NSD2: variants seen among roughly 807,000 people sequenced by gnomAD.
NSD2 encodes the protein nuclear receptor binding SET domain protein 2, also known as histone-lysine N-methyltransferase NSD2.
Under a neutral mutation model 139.0 loss-of-function variants are expected in NSD2, and 12 were observed. The observed-to-expected ratio is 0.09, with a 90% CI of 0.06 to 0.14. The LOEUF is 0.14. Ranked by LOEUF, NSD2 falls within the 10% of genes least tolerant of loss-of-function variation. NSD2 has a pLI of 1.00. For synonymous variants in NSD2, 669 were observed against 648.7 expected (o/e 1.03, Z -0.48); for missense variants, 1,155 against 1,745.0 (o/e 0.66, Z 6.02).
intron 6 of NSD2, among the ~76,000 whole-genome samples, chr4:1,934,910 A>ATATATATATATAT (rs59927644): frequency 2.3e-4 from 24 of 106,328 alleles, no homozygotes; most frequent in South Asian, 2.0e-3. Context: ...TATATATATA[A>ATATATATATATAT]AAAACAGATA....
chr4:1,924,759 A>C (rs961772453), intron 5 of NSD2, among the ~76,000 whole-genome samples: 3 of 151,602 alleles, frequency 2.0e-5, no homozygotes, highest in Middle Eastern at 3.2e-3. Flanking sequence ...AAAAAAAAAA[A>C]CAAAACAAAA....
intron 1 of NSD2, among the ~76,000 whole-genome samples, chr4:1,878,134 C>A (rs1198950339): frequency 1.3e-5 from 2 of 149,662 alleles, no homozygotes; most frequent in Non-Finnish European, 3.0e-5. Context: ...AATCTAGGCT[C>A]ACCACAACCT....
At chr4:1,915,111 C>CTTTTTTTTTTTTTTTTTTTTTTTTT (rs781255847) in intron 3 of NSD2, among the ~76,000 whole-genome samples, 2 of 115,562 alleles carry the variant, frequency 1.7e-5, no homozygotes, top group Non-Finnish European at 1.8e-5. Flanking sequence ...CTTTTTTTCT[C>CTTTTTTTTTTTTTTTTTTTTTTTTT]TTTTTTTTTT....
chr4:1,898,273 G>GA lies in NSD2; in HGVS notation c.-29-2352dup, dbSNP rs202230841. Among the ~76,000 whole-genome samples the GA allele has an allele frequency of 4.7e-3, 722 of 152,268 alleles. 4 individuals carry two copies. The highest frequency in any genetic ancestry group is 0.016 in the African/African-American group (676 of 41,554). The stretch of plus-strand genomic sequence containing the variant: ...GGCTAATTTTTGTATTTTTTGTTGA[G>GA]ATGGGCTCTCACTGTCTTGCCCAAG... On this transcript the variant is annotated intron_variant, in intron 1 of 21. Coordinates refer to ENST00000508803, the MANE Select transcript of NSD2 (RefSeq NM_001042424.3).
At chr4:1,922,255 A>G (rs1720245793) in intron 5 of NSD2, among the ~76,000 whole-genome samples, 2 of 152,240 alleles carry the variant, frequency 1.3e-5, no homozygotes, top group African/African-American at 2.4e-5. Flanking sequence ...TAGAATTAAT[A>G]GAGTTCACCA....
intron 9 of NSD2, chr4:1,945,961 C>T: frequency 9.5e-7 from 1 of 1,051,922 alleles, no homozygotes; most frequent in Non-Finnish European, 1.1e-6. Context: ...TTCAAAGCTT[C>T]CTCTGGCCAG....
At chr4:1,947,026 G>A in intron 9 of NSD2, 1 of 1,064,028 alleles carries the variant, frequency 9.4e-7, no homozygotes, top group Non-Finnish European at 1.1e-6. Context: ...GTAGGGGTGG[G>A]GGTCCTGGTC....
At position 1,916,878 on chromosome 4, in the gene NSD2, A is replaced by G. The variant is rs761159354; in HGVS notation, c.768A>G (p.Lys256=). 1.9e-6 allele frequency: 3 copies of G among 1,596,250 alleles called. No individual in the cohort carries two copies. In the Admixed American group the frequency reaches 5.4e-5, roughly 29 times the overall value. Residue 256 remains lysine, a synonymous_variant, in exon 4 of 22, where the codon AAA becomes AAG. Transcript: ENST00000508803. The stretch of plus-strand genomic sequence containing the variant: ...TTTTATTTTAAAAACTAGGTCAGAA[A>G]AAGAGTGCACGCCAGTATCACGTAC... The part of the protein sequence containing the change: ...LHSYTKLKGQ[K]KSARQYHVQF...
chr4:1,949,833 A>T (rs1285992252), intron 9 of NSD2, among the ~76,000 whole-genome samples: 1 of 151,886 alleles, frequency 6.6e-6, no homozygotes, highest in Admixed American at 6.6e-5. Flanking sequence ...GTTAGTTTTT[A>T]ATTTGTTTTT....
chr4:1,944,629 G>A lies in NSD2; in HGVS notation c.1881+4851G>A, dbSNP rs1045110421. 7.5e-6 allele frequency: 8 copies of A among 1,062,626 alleles called. No individual in the cohort carries two copies. In the South Asian group the frequency reaches 2.3e-4, roughly 30 times the overall value. The allele number at this position is 1,062,626 out of a possible 1,614,324, so 65.8% of individuals were successfully genotyped here. On this transcript the variant is annotated intron_variant, in intron 9 of 21. Coordinates refer to ENST00000508803, the MANE Select transcript of NSD2 (RefSeq NM_001042424.3). The stretch of plus-strand genomic sequence containing the variant: ...CTTAGATTGTAGCTGTTCTAAAAAC[G>A]TAAGTACTCCATTGTAATAGGGTGG...
chr4:1,964,879 G>T (rs749660877), intron 18 of NSD2, among the ~76,000 whole-genome samples: 2 of 151,986 alleles, frequency 1.3e-5, no homozygotes, highest in Non-Finnish European at 2.9e-5. Flanking sequence ...AAAAGATCTG[G>T]AAAGACCTTA....
chr4:1,963,929 T>A (rs1299873282), intron 18 of NSD2, among the ~76,000 whole-genome samples: 3 of 152,148 alleles, frequency 2.0e-5, no homozygotes, highest in African/African-American at 7.2e-5. Context: ...GCCCAGGAGT[T>A]TAAGACTGCT....
chr4:1,968,376 C>G (rs1232004882), intron 18 of NSD2, among the ~76,000 whole-genome samples: 3 of 152,206 alleles, frequency 2.0e-5, no homozygotes, highest in Admixed American at 6.5e-5. Flanking sequence ...CTAATGGTCA[C>G]AGGGAGCACC....
chr4:1,943,477 G>A, intron 9 of NSD2: 1 of 1,045,878 alleles, frequency 9.6e-7, no homozygotes, highest in East Asian at 5.6e-5. Flanking sequence ...ATTTTGCTTT[G>A]GCATGAAAAG....
intron 7 of NSD2, 63 bp from the exon 8 acceptor site, chr4:1,938,388 C>CTTTTTTTTTTTTTTTTT (rs1186431532): frequency 8.0e-6 from 9 of 1,130,126 alleles, no homozygotes; most frequent in South Asian, 5.3e-5. Context: ...TTTTTTTTTC[C>CTTTTTTTTTTTTTTTTT]TTTTTTTCTT....
chr4:1,939,201 T>TAA (rs539648507), intron 8 of NSD2: 6 of 149,174 alleles, frequency 4.0e-5, no homozygotes, highest in East Asian at 1.9e-4. Context: ...AAACAGACTT[T>TAA]AAAAAAAAAA....
chr4:1,975,550 A>T (rs914790363), intron 20 of NSD2, 150 bp downstream of exon 20: 18 of 653,624 alleles, frequency 2.8e-5, no homozygotes, highest in Non-Finnish European at 4.5e-5. Flanking sequence ...GCTGGGGAGG[A>T]TGGCTCTCAA....
At chr4:1,913,508 CGCCTTCTA>C (rs1012979710) in intron 3 of NSD2, among the ~76,000 whole-genome samples, 6 of 152,166 alleles carry the variant, frequency 3.9e-5, no homozygotes, top group Non-Finnish European at 8.8e-5. Flanking sequence ...CATCTGGCTC[CGCCTTCTA>C]GATAGCAATA....
intron 1 of NSD2, among the ~76,000 whole-genome samples, chr4:1,886,779 C>T (rs1286787400): frequency 1.3e-5 from 2 of 151,914 alleles, no homozygotes; most frequent in Non-Finnish European, 2.9e-5. Flanking sequence ...GTGGAGGTTG[C>T]AGTGAGCTGA....
Sources: allele counts gnomAD v4.1 joint callset (sites outside exome capture counted in the v4.1 genomes callset), GRCh38; gene constraint gnomAD v4.1.1; transcripts MANE v1.5; gene names NCBI Gene and HGNC (gene_info 2026-07-23, HGNC 2026-07-21).